TRAPPC9: variants seen among roughly 807,000 people sequenced by gnomAD.
TRAPPC9 encodes the protein IKK2 binding protein.
Under a neutral mutation model 124.0 loss-of-function variants are expected in TRAPPC9, and 83 were observed. The observed-to-expected ratio is 0.67, with a 90% confidence interval of 0.56 to 0.80. TRAPPC9 has a LOEUF of 0.80. Ranked by LOEUF, TRAPPC9 falls within the 30% of genes least tolerant of loss-of-function variation. The pLI is 0.00. For synonymous variants in TRAPPC9, 638 were observed against 617.5 expected (o/e 1.03, Z -0.49); for missense variants, 1,302 against 1,508.3 (o/e 0.86, Z 2.27).
At chr8:139,962,998 G>T (rs1835438198) in intron 19 of TRAPPC9, among the ~76,000 whole-genome samples, 1 of 152,170 alleles carries the variant, frequency 6.6e-6, no homozygotes, top group Non-Finnish European at 1.5e-5. Flanking sequence ...CCCAGGAGTG[G>T]AAAATAATAA....
At chr8:140,278,005 G>A (rs1013176989) in intron 14 of TRAPPC9, among the ~76,000 whole-genome samples, 2 of 152,188 alleles carry the variant, frequency 1.3e-5, no homozygotes, top group African/African-American at 4.8e-5. Flanking sequence ...CTGAAGCTTG[G>A]CACGCCTGTG....
chr8:140,272,733 G>T (rs2064995254), intron 15 of TRAPPC9, among the ~76,000 whole-genome samples: 1 of 151,998 alleles, frequency 6.6e-6, no homozygotes, highest in South Asian at 2.1e-4. Context: ...ACAGTGAGGG[G>T]AGAGGGGAGG....
chr8:140,178,980 A>G lies in TRAPPC9; in HGVS notation c.2556+42479T>C, dbSNP rs538639522. On this transcript the variant is annotated intron_variant, in intron 17 of 22. Transcript: ENST00000438773. ...CTCCTTTTTCATTCCTGATATTGAT[A>G]TGTTATGTCTTCTTATCTTGGTAAG... 3.3e-5 allele frequency among the ~76,000 whole-genome samples: 5 copies of G among 152,160 alleles called. No individual in the cohort carries two copies. In the East Asian group the frequency reaches 9.6e-4, roughly 29 times the overall value.
At chr8:139,835,472 G>C (rs941184660) in intron 21 of TRAPPC9, among the ~76,000 whole-genome samples, 16 of 152,238 alleles carry the variant, frequency 1.1e-4, no homozygotes, top group African/African-American at 3.1e-4. Context: ...GTTCGCCCGT[G>C]CTGTGCGTGG....
At chr8:140,115,890 T>C (rs968467233) in intron 17 of TRAPPC9, among the ~76,000 whole-genome samples, 2 of 152,098 alleles carry the variant, frequency 1.3e-5, no homozygotes, top group Admixed American at 6.5e-5. Flanking sequence ...GATGAGCGAA[T>C]GTGACAGTGC....
At position 140,182,568 on chromosome 8, in the gene TRAPPC9, C is replaced by T. The variant is rs545506000; in HGVS notation, c.2556+38891G>A. On this transcript the variant is annotated intron_variant, in intron 17 of 22. Transcript: ENST00000438773. The surrounding 1 kb of genome is among the most constrained non-coding windows in gnomAD (Gnocchi z 4.0). Reference sequence around the variant, plus strand: ...GCTGATCTAAGCTCACTGATCGAAGCACACTGCAAAGTGTCATTTTGCCAA... The same window carrying T: ...GCTGATCTAAGCTCACTGATCGAAGTACACTGCAAAGTGTCATTTTGCCAA... 1.3e-5 allele frequency among the ~76,000 whole-genome samples: 2 copies of T among 152,304 alleles called. No individual in the cohort carries two copies. Among genetic ancestry groups the T allele is most frequent in the African/African-American group, 4.8e-5 (2 of 41,556 alleles).
intron 17 of TRAPPC9, among the ~76,000 whole-genome samples, chr8:140,129,391 G>A (rs2061162609): frequency 1.3e-5 from 2 of 152,162 alleles, no homozygotes; most frequent in Non-Finnish European, 2.9e-5. Flanking sequence ...AGGGTACGGG[G>A]TCCTAGAGGT....
chr8:139,911,727 CTTT>C (rs61563614), intron 19 of TRAPPC9, among the ~76,000 whole-genome samples: 1 of 147,448 alleles, frequency 6.8e-6, no homozygotes, highest in African/African-American at 2.5e-5. Context: ...AAAAGTAGGC[CTTT>C]TTTTTTTATT....
chr8:139,803,206 A>T (rs546329245), intron 21 of TRAPPC9, among the ~76,000 whole-genome samples: 2 of 152,004 alleles, frequency 1.3e-5, no homozygotes, highest in East Asian at 3.9e-4. Flanking sequence ...CCATGTGTGA[A>T]TGTGTATGTG....
chr8:140,046,504 T>C (rs543737274), intron 17 of TRAPPC9, among the ~76,000 whole-genome samples: 2 of 152,292 alleles, frequency 1.3e-5, no homozygotes, highest in African/African-American at 4.8e-5. Context: ...GGCTAGAAGG[T>C]AGGAGGTTCC....
In TRAPPC9 at chr8:140,157,012, AG is replaced by A. The variant is rs1403887156; in HGVS notation, c.2556+64446del. ...ATTCAAAAGCCTCCCTTTTCCATTC[AG>A]AAGCCTCCCTTTTCCATTCAAAAGC... On this transcript the variant is annotated intron_variant, in intron 17 of 22. Transcript: ENST00000438773. Among the ~76,000 whole-genome samples the A allele has an allele frequency of 5.3e-4, 57 of 107,128 alleles. 6 individuals carry two copies. Among genetic ancestry groups the A allele is most frequent in the African/African-American group, 1.5e-3 (41 of 26,686 alleles). The allele number at this position is 107,128 out of a possible 152,430, so 70.3% of individuals were successfully genotyped here.
At chr8:139,897,387 T>G (rs1264256993) in intron 20 of TRAPPC9, among the ~76,000 whole-genome samples, 1 of 152,214 alleles carries the variant, frequency 6.6e-6, no homozygotes, top group Non-Finnish European at 1.5e-5. Flanking sequence ...CCTTCCCAAC[T>G]GCTTAGCTTC....
At chr8:140,034,095 A>G (rs1394760326) in intron 17 of TRAPPC9, among the ~76,000 whole-genome samples, 1 of 152,192 alleles carries the variant, frequency 6.6e-6, no homozygotes, top group East Asian at 1.9e-4. Flanking sequence ...GGAATCATCA[A>G]CTTTACTAAT....
At chr8:139,829,900 G>T (rs999511180) in intron 21 of TRAPPC9, among the ~76,000 whole-genome samples, 2 of 152,202 alleles carry the variant, frequency 1.3e-5, no homozygotes, top group Non-Finnish European at 2.9e-5. Flanking sequence ...CAGCGCTGGG[G>T]CTGGAATCCA....
intron 8 of TRAPPC9, among the ~76,000 whole-genome samples, chr8:140,369,704 C>A (rs2068223072): frequency 6.6e-6 from 1 of 152,166 alleles, no homozygotes; most frequent in Non-Finnish European, 1.5e-5. Flanking sequence ...GTAATCCCAG[C>A]ACTTTGGGAG....
intron 17 of TRAPPC9, among the ~76,000 whole-genome samples, chr8:140,045,651 A>AAAAAC (rs1841548470): frequency 7.7e-5 from 3 of 38,990 alleles, no homozygotes; most frequent in African/African-American, 1.8e-4. Flanking sequence ...AAAAAAAAAA[A>AAAAAC]AAAAAAAACC....
chr8:139,879,194 T>C (rs1829526933), intron 21 of TRAPPC9, among the ~76,000 whole-genome samples: 2 of 151,784 alleles, frequency 1.3e-5, no homozygotes, highest in South Asian at 2.1e-4. Context: ...TCTGGAAGAA[T>C]GGTGAGGGGA....
At chr8:139,988,624 A>G (rs1837414781) in intron 19 of TRAPPC9, 102 bp downstream of exon 19, 1 of 775,176 alleles carries the variant, frequency 1.3e-6, no homozygotes, top group African/African-American at 1.7e-5. Flanking sequence ...CAAACTGCCC[A>G]TCCTCTGAGG....
Position 139,917,559 on chromosome 8 carries a change from C to T in TRAPPC9, c.2811-7259G>A, listed in dbSNP as rs145072059. On this transcript the variant is annotated intron_variant, in intron 19 of 22. Transcript: ENST00000438773. ...CTAGGTGATCCAATCAAAGCACCAT[C>T]GGAGAATGCACCAACACCAAAGCAA... Among the ~76,000 whole-genome samples, 87 of 152,326 alleles carry T rather than the reference C, an allele frequency of 5.7e-4. 1 individual carries two copies. Among genetic ancestry groups the T allele is most frequent in the African/African-American group, 1.7e-3 (70 of 41,584 alleles).
Sources: allele counts gnomAD v4.1 joint callset (sites outside exome capture counted in the v4.1 genomes callset), GRCh38; gene constraint gnomAD v4.1.1; non-coding constraint Gnocchi (gnomAD v3.1); transcripts MANE v1.5; gene names NCBI Gene and HGNC (gene_info 2026-07-23, HGNC 2026-07-21).